The following CYP24A1 variants were observed in gnomAD, a reference collection of about 807,000 sequenced individuals.
CYP24A1 encodes cytochrome P450 family 24 subfamily A member 1.
CYP24A1 carries 68 observed loss-of-function variants against 62.4 expected under a neutral mutation model. The observed-to-expected ratio is 1.09, with a 90% CI of 0.90 to 1.33. CYP24A1 has a LOEUF of 1.33. Among genes scored for constraint, CYP24A1 ranks in the 40% most tolerant of loss-of-function variants. CYP24A1 has a pLI of 0.00. For missense variants in CYP24A1, 787 were observed against 653.0 expected, an observed-to-expected ratio of 1.21 and a Z score of -2.24; for synonymous variants, 267 against 253.0, an observed-to-expected ratio of 1.06 and a Z score of -0.52.
At chr20:54,148,740 A>C (rs142086827), downstream of CYP24A1, among the ~76,000 whole-genome samples, 304 of 152,332 alleles carry the variant, frequency 2.0e-3, 3 homozygotes, top group African/African-American at 7.1e-3. Flanking sequence ...AAAATGAATA[A>C]TGACAGTGTA....
chr20:54,152,675 C>A (rs2092614468), downstream of CYP24A1, among the ~76,000 whole-genome samples: 1 of 152,182 alleles, frequency 6.6e-6, no homozygotes, highest in African/African-American at 2.4e-5. Flanking sequence ...GGCCTGGTTC[C>A]AGAGGCCTCT....
chr20:54,167,864 T>C (rs1037642862), intron 4 of CYP24A1, among the ~76,000 whole-genome samples: 3 of 152,138 alleles, frequency 2.0e-5, no homozygotes, highest in Non-Finnish European at 4.4e-5. Context: ...TTTCCTTCTA[T>C]CCCTCCCATC....
chr20:54,160,153 C>T (rs1250302699), intron 7 of CYP24A1, among the ~76,000 whole-genome samples: 1 of 152,200 alleles, frequency 6.6e-6, no homozygotes, highest in Non-Finnish European at 1.5e-5. Context: ...GTAAACAGCC[C>T]TCATACGAGG....
At chr20:54,155,704 T>C (rs2092625185) in intron 11 of CYP24A1, among the ~76,000 whole-genome samples, 1 of 136,806 alleles carries the variant, frequency 7.3e-6, no homozygotes, top group African/African-American at 2.7e-5. Flanking sequence ...ACCATTGCAC[T>C]CCAGCCCAGG....
chr20:54,166,636 C>T (rs941693104), intron 4 of CYP24A1, among the ~76,000 whole-genome samples: 20 of 152,142 alleles, frequency 1.3e-4, no homozygotes, highest in Non-Finnish European at 2.5e-4. Flanking sequence ...ATTAACATCC[C>T]TAAGAACCTT....
chr20:54,144,710 C>T, the CYP24A1 span, among the ~76,000 whole-genome samples: 6 of 149,650 alleles, frequency 4.0e-5, no homozygotes, highest in Non-Finnish European at 7.4e-5. Flanking sequence ...ATAAGAAGCC[C>T]TCCTTTTAAT....
chr20:54,158,135 C>G lies in CYP24A1; in HGVS notation c.1187G>C (p.Arg396Pro). 1 of 1,613,890 alleles carries G rather than the reference C, an allele frequency of 6.2e-7. No homozygotes were observed. The highest frequency in any genetic ancestry group is 8.5e-7 in the Non-Finnish European group (1 of 1,179,994). The change falls in exon 9 of 12, where the codon CGG becomes CCG. Residue 396 changes from arginine to proline, a missense_variant. By Grantham distance (103) the Arg-to-Pro change is moderately radical. Coordinates refer to ENST00000216862, the MANE Select transcript of CYP24A1 (RefSeq NM_000782.5). ...CAGAACTGTTGCCTTGTCAAGAGTC[C>G]GAGTTGTAAATGGTACACTCGGCGT... is the stretch of plus-strand genomic sequence containing the variant. The part of the protein sequence containing the change: ...RLTPSVPFTT[R>P]TLDKATVLGE...
rs749316674 is a variant in CYP24A1 at position 54,157,522 on chromosome 20, G to C, written c.1300C>G (p.Gln434Glu). ...TGAAGCCAACGTTCAGGTCTAAACT[G>C]ACTTGAATCTTCAAAATTGTCTTCA... ...SSEDNFEDSS[Q>E]FRPERWLQEK... The change falls in exon 10 of 12, where the codon CAG becomes GAG. Residue 434 changes from glutamine (Q) to glutamate (E), a missense_variant. Coordinates refer to ENST00000216862, the MANE Select transcript of CYP24A1 (RefSeq NM_000782.5). 2 of 1,602,410 alleles carry C rather than the reference G, an allele frequency of 1.2e-6. No individual in the cohort carries two copies.
At chr20:54,149,820 C>T (rs1205552474), downstream of CYP24A1, among the ~76,000 whole-genome samples, 3 of 152,200 alleles carry the variant, frequency 2.0e-5, no homozygotes, top group African/African-American at 7.2e-5. Flanking sequence ...CGAGATCCAC[C>T]TCTTGCCTTA....
At chr20:54,157,322 C>T in intron 10 of CYP24A1, 33 bp from the exon 11 acceptor site, 1 of 1,474,434 alleles carries the variant, frequency 6.8e-7, no homozygotes, top group East Asian at 2.3e-5. Context: ...AACAGAATTA[C>T]CCCTCTCTTC....
At chr20:54,166,909 T>G (rs974488283) in intron 4 of CYP24A1, among the ~76,000 whole-genome samples, 1 of 151,996 alleles carries the variant, frequency 6.6e-6, no homozygotes, top group Non-Finnish European at 1.5e-5. Context: ...CATGGCTACA[T>G]GTGCCTGTAG....
Position 54,159,083 on chromosome 20 carries a change from C to T in CYP24A1, c.1031G>A (p.Arg344His), listed in dbSNP as rs116548533. Residue 344 changes from arginine to histidine, a missense_variant, in exon 8 of 12, where the codon CGT becomes CAT. Physicochemically the swap from Arg to His is conservative, Grantham distance 29. Coordinates refer to ENST00000216862, the MANE Select transcript of CYP24A1 (RefSeq NM_000782.5). Reference protein sequence around the residue: ...SLMWILYNLSRNPQVQQKLLK... With the variant: ...SLMWILYNLSHNPQVQQKLLK... Reference sequence around the variant, plus strand: ...AAGCTTTTGTTGCACTTGGGGATTACGGGATAAATTGTAGAGAATCCACAT... The same window carrying T: ...AAGCTTTTGTTGCACTTGGGGATTATGGGATAAATTGTAGAGAATCCACAT... 479 of 1,613,760 alleles carry T rather than the reference C, an allele frequency of 3.0e-4. No individual in the cohort carries two copies. The African/African-American group carries it at 4.6e-3, about 15-fold the overall frequency.
intron 11 of CYP24A1, among the ~76,000 whole-genome samples, chr20:54,156,159 A>C (rs2092627268): frequency 6.6e-6 from 1 of 152,226 alleles, no homozygotes; most frequent in Non-Finnish European, 1.5e-5. Flanking sequence ...CTTGTTTTTT[A>C]TAAAATTTAT....
At position 54,157,257 on chromosome 20, in the gene CYP24A1, G is replaced by T. The variant is rs1486194403; in HGVS notation, c.1467C>A (p.Asp489Glu). 2.5e-6 allele frequency: 4 copies of T among 1,612,600 alleles called. No individual in the cohort carries two copies. The South Asian group carries it at 3.3e-5, about 13-fold the overall frequency. Residue 489 changes from aspartate to glutamate, a missense_variant, in exon 11 of 12, where the codon GAC becomes GAA. By Grantham distance (45) the Asp-to-Glu change is conservative. Transcript: ENST00000216862. ...IVRKYDIQAT[D>E]NEPVEMLHSG... ...AGTGTAGCATCTCAACAGGCTCATT[G>T]TCTGTGGCCTGGATGTCGTATTTGC...
rs74424092 is a variant in CYP24A1, at chr20:54,173,673, T to C, written c.-94A>G. 4.4e-3 allele frequency: 3,710 copies of C among 850,022 alleles called. 107 individuals carry two copies. In the African/African-American group the frequency reaches 0.057, roughly 13 times the overall value. The allele number at this position is 850,022 out of a possible 1,614,324, so 52.7% of individuals were successfully genotyped here. On this transcript the variant is annotated 5_prime_UTR_variant, in exon 1 of 12. Transcript: ENST00000216862. The surrounding 1 kb of genome is among the most constrained non-coding windows in gnomAD (Gnocchi z 7.2). ...AGTGGGAGTCGGGGCTTAACGATTCTGGGAAAAGGAAGCAAAGAGGGCCAG... is the reference window on the plus strand; with the variant it reads ...AGTGGGAGTCGGGGCTTAACGATTCCGGGAAAAGGAAGCAAAGAGGGCCAG...
chr20:54,153,160 C>A (rs531044966), downstream of CYP24A1, among the ~76,000 whole-genome samples: 20 of 152,168 alleles, frequency 1.3e-4, no homozygotes, highest in Middle Eastern at 6.3e-3. Context: ...GTTCTACCCC[C>A]CTTTCAATCA....
rs777185195 is a variant in CYP24A1, at chr20:54,157,233, G to A, written c.1491C>T (p.His497=). The change falls in exon 11 of 12, where the codon CAC becomes CAT. Residue 497 remains histidine, a synonymous_variant. Transcript: ENST00000216862. ...ATDNEPVEML[H]SGTLVPSREL... ...CCCGGCTGGGCACCAGGGTGCCTGA[G>A]TGTAGCATCTCAACAGGCTCATTGT... 2 of 1,613,550 alleles carry A rather than the reference G, an allele frequency of 1.2e-6. No homozygotes were observed. The highest frequency in any genetic ancestry group is 2.2e-5 in the South Asian group (2 of 91,048).
rs1364736905 is a variant in CYP24A1, at chr20:54,153,671, T to C, written c.*1101A>G. 3 of 152,636 alleles carry C rather than the reference T, an allele frequency of 2.0e-5. No homozygotes were observed. Among genetic ancestry groups the C allele is most frequent in the Non-Finnish European group, 4.4e-5 (3 of 68,022 alleles). The allele number at this position is 152,636 out of a possible 1,614,324, so 9.5% of individuals were successfully genotyped here. On this transcript the variant is annotated 3_prime_UTR_variant, in exon 12 of 12. Coordinates refer to ENST00000216862, the MANE Select transcript of CYP24A1 (RefSeq NM_000782.5). ...AATATTTATCAAATACACAGAATTATATACAGTATGCATTTAGGAAAAGCA... is the reference window on the plus strand; with the variant it reads ...AATATTTATCAAATACACAGAATTACATACAGTATGCATTTAGGAAAAGCA...
chr20:54,162,279 G>A (rs1316018345), intron 7 of CYP24A1, among the ~76,000 whole-genome samples: 1 of 132,592 alleles, frequency 7.5e-6, no homozygotes, highest in Non-Finnish European at 1.5e-5. Flanking sequence ...CCACAGTTAG[G>A]CACTTTGGGG....
Sources: gnomAD v4.1 joint callset for allele counts (sites outside exome capture counted in the v4.1 genomes callset) on GRCh38, gnomAD v4.1.1 for gene constraint, Gnocchi (gnomAD v3.1) non-coding constraint, MANE v1.5 for transcripts, NCBI Gene and HGNC (gene_info 2026-07-23, HGNC 2026-07-21) for gene names.